The following PCDHGB2 variants were observed in gnomAD, a reference collection of about 807,000 sequenced individuals.
PCDHGB2 encodes protocadherin gamma subfamily B, 2, also known as protocadherin gamma-B2.
In PCDHGB2, 55 loss-of-function variants were observed where a neutral mutation model predicts 59.3. The observed-to-expected ratio is 0.93, with a 90% confidence interval of 0.75 to 1.16. The LOEUF (loss-of-function observed/expected upper bound fraction) is 1.16, where lower values mean the gene tolerates loss of function less well. Ranked by LOEUF, PCDHGB2 falls within the 50% of genes most tolerant of loss-of-function variation. The probability of loss-of-function intolerance (pLI) is 0.00; values close to 1 mark genes in which losing one functional copy is unlikely to be tolerated. For missense variants in PCDHGB2, 1,228 were observed against 1,198.5 expected, an observed-to-expected ratio of 1.02 and a Z score of -0.36; for synonymous variants, 516 against 512.0, an observed-to-expected ratio of 1.01 and a Z score of -0.11.
chr5:141,372,670 A>T (rs1383646459), intron 1 of PCDHGB2: 1 of 1,614,026 alleles, frequency 6.2e-7, no homozygotes. Flanking sequence ...GCTGCCTCAC[A>T]TTCCTCAAAC....
At chr5:141,418,233 A>T in intron 1 of PCDHGB2, 1 of 1,614,048 alleles carries the variant, frequency 6.2e-7, no homozygotes, top group Non-Finnish European at 8.5e-7. Flanking sequence ...GTGATTGAGG[A>T]TGTTAATGAC....
chr5:141,459,028 C>T (rs373532898), intron 1 of PCDHGB2, among the ~76,000 whole-genome samples: 1 of 152,202 alleles, frequency 6.6e-6, no homozygotes, highest in Non-Finnish European at 1.5e-5. Context: ...CCACCACATC[C>T]AGCCTTACCA....
chr5:141,400,282 G>T (rs774476991), intron 1 of PCDHGB2: 2 of 1,613,974 alleles, frequency 1.2e-6, no homozygotes, highest in Non-Finnish European at 1.7e-6. Context: ...CAGCCCTGCC[G>T]CCTGGAGCTG....
intron 1 of PCDHGB2, chr5:141,399,489 A>G (rs764497801): frequency 2.5e-6 from 4 of 1,614,008 alleles, no homozygotes; most frequent in South Asian, 1.1e-5. Context: ...CGTCCTACTT[A>G]GTCAGTGTAC....
In PCDHGB2 at chr5:141,487,715, C is replaced by T. The variant is rs1209272301; in HGVS notation, c.2422-7092C>T. 2.5e-6 allele frequency: 4 copies of T among 1,582,708 alleles called. No individual in the cohort carries two copies. The highest frequency in any genetic ancestry group is 1.8e-5 in the Admixed American group (1 of 54,696). The stretch of plus-strand genomic sequence containing the variant: ...GAGTACTGGCCTCTCAGTAAGTGCC[C>T]ATAGTGATGTCACCATTTTTGTAAG... On this transcript the variant is annotated intron_variant, in intron 1 of 3. Transcript: ENST00000522605. This position sits in a 1 kb window ranked among gnomAD's most constrained non-coding sequence, Gnocchi z 5.0.
At chr5:141,494,654 G>A in intron 1 of PCDHGB2, 153 bp from the exon 2 acceptor site, 1 of 966,640 alleles carries the variant, frequency 1.0e-6, no homozygotes, top group South Asian at 4.8e-5. Context: ...GGTGTATTTT[G>A]TCTTTGGAGA....
intron 2 of PCDHGB2, among the ~76,000 whole-genome samples, chr5:141,496,347 T>C (rs1168306693): frequency 6.6e-6 from 1 of 152,198 alleles, no homozygotes; most frequent in Non-Finnish European, 1.5e-5. Context: ...TGGAGGAGTC[T>C]CAGAGCCCAG....
intron 1 of PCDHGB2, chr5:141,397,972 G>T: frequency 2.6e-6 from 3 of 1,155,564 alleles, no homozygotes; most frequent in Non-Finnish European, 3.6e-6. Flanking sequence ...ACTCCCCAGC[G>T]CCGGCCTTTA....
At position 141,477,966 on chromosome 5, in the gene PCDHGB2, G is replaced by T; in HGVS notation, c.2422-16841G>T. 1 of 1,614,118 alleles carries T rather than the reference G, an allele frequency of 6.2e-7. No individual in the cohort carries two copies. The highest frequency in any genetic ancestry group is 8.5e-7 in the Non-Finnish European group (1 of 1,180,036). On this transcript the variant is annotated intron_variant, in intron 1 of 3. Coordinates refer to ENST00000522605, the MANE Select transcript of PCDHGB2 (RefSeq NM_018923.3). This position sits in a 1 kb window ranked among gnomAD's most constrained non-coding sequence, Gnocchi z 4.9. ...AGTCTCTTGGGATCCCCTAACCAGA[G>T]CCTTTTTGCCATAGGGCTGCACACT...
At chr5:141,399,010 G>C in intron 1 of PCDHGB2, 1 of 1,613,844 alleles carries the variant, frequency 6.2e-7, no homozygotes, top group Non-Finnish European at 8.5e-7. Flanking sequence ...TTCAAAGAGC[G>C]GAGAAATTAC....
intron 1 of PCDHGB2, chr5:141,364,204 A>G (rs1763216193): frequency 8.7e-7 from 1 of 1,155,836 alleles, no homozygotes; most frequent in Non-Finnish European, 1.2e-6. Context: ...CAGACCAGAC[A>G]AGCTCCTACG....
At chr5:141,383,729 TGA>T (rs1406908014) in intron 1 of PCDHGB2, 3 of 1,613,866 alleles carry the variant, frequency 1.9e-6, no homozygotes, top group Non-Finnish European at 2.5e-6. Flanking sequence ...AATGGGGAAG[TGA>T]CATATTCTTT....
chr5:141,376,761 A>G (rs1179580742), intron 1 of PCDHGB2: 1 of 431,306 alleles, frequency 2.3e-6, no homozygotes, highest in African/African-American at 2.3e-5. Flanking sequence ...ATCTCGGCTC[A>G]CTGCAAGCTC....
intron 1 of PCDHGB2, chr5:141,408,865 A>G (rs765751172): frequency 6.2e-7 from 1 of 1,613,684 alleles, no homozygotes. Context: ...GGGACCCACC[A>G]AGAAGTGCCA....
At chr5:141,414,283 G>T in intron 1 of PCDHGB2, 1 of 1,613,520 alleles carries the variant, frequency 6.2e-7, no homozygotes, top group Non-Finnish European at 8.5e-7. Flanking sequence ...GGGAACAGTC[G>T]TAGCCCTTTT....
chr5:141,450,948 C>T (rs1250110393), intron 1 of PCDHGB2, among the ~76,000 whole-genome samples: 2 of 151,870 alleles, frequency 1.3e-5, no homozygotes, highest in East Asian at 3.9e-4. Flanking sequence ...CCTCAGCCTC[C>T]CAAGTAGCTG....
At chr5:141,467,064 T>C (rs1289790911) in intron 1 of PCDHGB2, among the ~76,000 whole-genome samples, 2 of 151,724 alleles carry the variant, frequency 1.3e-5, no homozygotes, top group Middle Eastern at 3.2e-3. Context: ...TCTTTTTTTT[T>C]TTTTTTTAGA....
chr5:141,415,660 T>C, intron 1 of PCDHGB2: 2 of 1,583,052 alleles, frequency 1.3e-6, no homozygotes, highest in Non-Finnish European at 8.6e-7. Context: ...AAAGATTGGT[T>C]TTTACTTTGA....
intron 1 of PCDHGB2, chr5:141,377,280 A>G (rs1773849718): frequency 6.6e-6 from 1 of 151,152 alleles, no homozygotes; most frequent in Non-Finnish European, 1.5e-5. Context: ...GGGAAAAAAA[A>G]TAACCTTAAT....
Sources: gnomAD v4.1 joint callset for allele counts (sites outside exome capture counted in the v4.1 genomes callset) on GRCh38, gnomAD v4.1.1 for gene constraint, Gnocchi (gnomAD v3.1) non-coding constraint, MANE v1.5 for transcripts, NCBI Gene and HGNC (gene_info 2026-07-23, HGNC 2026-07-21) for gene names.